Variants in GUCY1A2 observed in about 807,000 individuals in gnomAD.
The protein encoded by GUCY1A2 is guanylate cyclase 1 soluble subunit alpha 2.
GUCY1A2 carries 27 observed loss-of-function variants against 63.5 expected under a neutral mutation model. The observed-to-expected ratio is 0.43, with a 90% CI of 0.31 to 0.59. The LOEUF is 0.59. Ranked by LOEUF, GUCY1A2 falls within the 20% of genes least tolerant of loss-of-function variation. GUCY1A2 has a pLI of 0.11. For synonymous variants in GUCY1A2, 364 were observed against 343.5 expected (o/e 1.06, Z -0.66); for missense variants, 768 against 913.3 (o/e 0.84, Z 2.05).
intron 5 of GUCY1A2, among the ~76,000 whole-genome samples, chr11:106,808,964 T>A (rs1858728884): frequency 6.6e-6 from 1 of 152,180 alleles, no homozygotes. Context: ...TCATACTGAA[T>A]GTTTACCACT....
At chr11:106,911,458 G>A (rs1201661019) in intron 4 of GUCY1A2, among the ~76,000 whole-genome samples, 2 of 152,062 alleles carry the variant, frequency 1.3e-5, no homozygotes, top group African/African-American at 4.8e-5. Context: ...TTCTTCCTCT[G>A]AGAAGATAAC....
intron 1 of GUCY1A2, among the ~76,000 whole-genome samples, chr11:106,994,017 GGTTTA>G (rs1395713887): frequency 1.3e-5 from 2 of 152,098 alleles, no homozygotes. Flanking sequence ...TATCCATACT[GGTTTA>G]ACATCTGGGC....
chr11:107,014,662 T>C (rs1228680575), intron 1 of GUCY1A2, among the ~76,000 whole-genome samples: 7 of 152,114 alleles, frequency 4.6e-5, no homozygotes, highest in African/African-American at 1.7e-4. Flanking sequence ...ATCCCATGGG[T>C]CAAATAACTA....
intron 4 of GUCY1A2, chr11:106,936,713 CTTGAT>C: frequency 6.8e-7 from 1 of 1,471,462 alleles, no homozygotes; most frequent in South Asian, 1.2e-5. Context: ...CATGCTTGCT[CTTGAT>C]TTTTTTTTTT....
At chr11:106,839,408 G>A (rs1232841056) in intron 4 of GUCY1A2, among the ~76,000 whole-genome samples, 1 of 151,834 alleles carries the variant, frequency 6.6e-6, no homozygotes, top group East Asian at 1.9e-4. Context: ...TACACTGTTG[G>A]TGGGACCGTA....
At chr11:106,699,884 C>A (rs1862787871) in intron 7 of GUCY1A2, among the ~76,000 whole-genome samples, 1 of 151,836 alleles carries the variant, frequency 6.6e-6, no homozygotes, top group Non-Finnish European at 1.5e-5. Context: ...CAGGTTCACG[C>A]CATTCTCCTG....
At chr11:106,876,647 T>C (rs1323386721) in intron 4 of GUCY1A2, among the ~76,000 whole-genome samples, 2 of 152,134 alleles carry the variant, frequency 1.3e-5, no homozygotes, top group Non-Finnish European at 2.9e-5. Context: ...ATTAACTGCA[T>C]TAAATCTAAA....
chr11:106,752,822 G>A (rs983742947), intron 6 of GUCY1A2, among the ~76,000 whole-genome samples: 2 of 152,120 alleles, frequency 1.3e-5, no homozygotes, highest in Non-Finnish European at 1.5e-5. Context: ...ATAAACATAC[G>A]TGTGCATATG....
intron 6 of GUCY1A2, among the ~76,000 whole-genome samples, chr11:106,711,457 G>C (rs570058892): frequency 6.6e-6 from 1 of 152,066 alleles, no homozygotes; most frequent in African/African-American, 2.4e-5. Context: ...ACTTTTATTT[G>C]TCTTTCAATA....
intron 6 of GUCY1A2, among the ~76,000 whole-genome samples, chr11:106,762,466 A>G (rs1209564839): frequency 6.6e-6 from 1 of 152,128 alleles, no homozygotes. Context: ...AATTCATCAA[A>G]TAATTCCTTA....
At chr11:106,940,733 CT>C (rs911985140) in intron 3 of GUCY1A2, among the ~76,000 whole-genome samples, 1 of 152,186 alleles carries the variant, frequency 6.6e-6, no homozygotes, top group African/African-American at 2.4e-5. Flanking sequence ...TTATCCCTTC[CT>C]TCTCCCTAAC....
chr11:106,964,762 G>A (rs1344006876), intron 3 of GUCY1A2, among the ~76,000 whole-genome samples: 3 of 152,176 alleles, frequency 2.0e-5, no homozygotes, highest in African/African-American at 7.2e-5. Flanking sequence ...GGCGGATCAT[G>A]AGGTCAGGAG....
At chr11:106,808,230 T>G (rs1858717820) in intron 5 of GUCY1A2, among the ~76,000 whole-genome samples, 1 of 150,086 alleles carries the variant, frequency 6.7e-6, no homozygotes, top group Non-Finnish European at 1.5e-5. Context: ...CAAGTTTAGT[T>G]TAAGAAAAGT....
chr11:106,931,613 A>T (rs1215476329), intron 4 of GUCY1A2, among the ~76,000 whole-genome samples: 1 of 152,216 alleles, frequency 6.6e-6, no homozygotes, highest in African/African-American at 2.4e-5. Flanking sequence ...GAATGGATAA[A>T]CAAACCGTGT....
At chr11:106,728,215 A>T (rs552011585) in intron 6 of GUCY1A2, among the ~76,000 whole-genome samples, 3 of 152,156 alleles carry the variant, frequency 2.0e-5, no homozygotes, top group Non-Finnish European at 2.9e-5. Flanking sequence ...ATTACCTAAC[A>T]ATTTCCTATT....
At chr11:106,878,977 C>T (rs982728387) in intron 4 of GUCY1A2, among the ~76,000 whole-genome samples, 11 of 152,010 alleles carry the variant, frequency 7.2e-5, no homozygotes, top group Admixed American at 2.0e-4. Flanking sequence ...TTCGTTACAA[C>T]AGGACTAATA....
At position 106,936,631 on chromosome 11, in the gene GUCY1A2, G is replaced by A. The variant is rs567895952; in HGVS notation, c.1206+2829C>T. 9.0e-4 allele frequency: 1,297 copies of A among 1,447,294 alleles called. 25 individuals carry two copies. In the South Asian group the frequency reaches 0.013, roughly 14 times the overall value. The allele number at this position is 1,447,294 out of a possible 1,614,324, so 89.7% of individuals were successfully genotyped here. ...GAATCAAAGCTTGGTCAAGCCATCT[G>A]GAAGAGTTTTTTTCTAACCTCAAGA... On this transcript the variant is annotated intron_variant, in intron 4 of 7. Coordinates refer to ENST00000526355, the MANE Select transcript of GUCY1A2 (RefSeq NM_000855.3).
chr11:107,011,138 G>A (rs995435498), intron 1 of GUCY1A2, among the ~76,000 whole-genome samples: 20 of 152,132 alleles, frequency 1.3e-4, no homozygotes, highest in Non-Finnish European at 1.2e-4. Context: ...CTCATGCATC[G>A]AACAAAGGGC....
intron 4 of GUCY1A2, among the ~76,000 whole-genome samples, chr11:106,906,707 C>T (rs1272881544): frequency 6.6e-6 from 1 of 152,152 alleles, no homozygotes; most frequent in Non-Finnish European, 1.5e-5. Flanking sequence ...CAATGATAGA[C>T]TGGATTAAGA....
Sources: gnomAD v4.1 joint callset for allele counts (sites outside exome capture counted in the v4.1 genomes callset) on GRCh38, gnomAD v4.1.1 for gene constraint, MANE v1.5 for transcripts, NCBI Gene and HGNC (gene_info 2026-07-23, HGNC 2026-07-21) for gene names.